UBAP2: variants seen among roughly 807,000 people sequenced by gnomAD.
The protein encoded by UBAP2 is ubiquitin associated protein 2, also known as ubiquitin-associated protein 2.
Under a neutral mutation model 139.6 loss-of-function variants are expected in UBAP2, and 75 were observed. The ratio of observed to expected loss-of-function variants is 0.54; its 90% CI spans 0.45 to 0.65. UBAP2 has a LOEUF of 0.65. Among genes scored for constraint, UBAP2 ranks in the 30% least tolerant of loss-of-function variants. The pLI is 0.00. For synonymous variants in UBAP2, 526 were observed against 526.2 expected, an observed-to-expected ratio of 1.00 and a Z score of 0.01; for missense variants, 1,368 against 1,369.6, an observed-to-expected ratio of 1.00 and a Z score of 0.02.
chr9:33,963,165 G>A (rs1334634786), intron 9 of UBAP2, among the ~76,000 whole-genome samples: 1 of 152,118 alleles, frequency 6.6e-6, no homozygotes, highest in African/African-American at 2.4e-5. Context: ...GAAACAGATA[G>A]TTATAAGCAG....
intron 1 of UBAP2, among the ~76,000 whole-genome samples, chr9:34,040,849 A>G (rs1425874023): frequency 6.6e-6 from 1 of 152,224 alleles, no homozygotes; most frequent in African/African-American, 2.4e-5. Context: ...AGATTTGAGA[A>G]AATAGTAACT....
At chr9:33,978,872 G>C (rs1272595138) in intron 6 of UBAP2, among the ~76,000 whole-genome samples, 1 of 152,110 alleles carries the variant, frequency 6.6e-6, no homozygotes, top group Non-Finnish European at 1.5e-5. Context: ...AGGTTAGGGA[G>C]TAAACTATTG....
intron 1 of UBAP2, among the ~76,000 whole-genome samples, chr9:34,041,890 T>C (rs1189348123): frequency 2.0e-5 from 3 of 151,750 alleles, no homozygotes; most frequent in African/African-American, 4.8e-5. Flanking sequence ...CCAGGCATGG[T>C]GGCGGGCACC....
intron 6 of UBAP2, among the ~76,000 whole-genome samples, chr9:33,974,300 G>C (rs1564039116): frequency 6.6e-6 from 1 of 152,070 alleles, no homozygotes; most frequent in Admixed American, 6.5e-5. Flanking sequence ...TTCAGCTCAG[G>C]AGTTCAAGAC....
intron 17 of UBAP2, among the ~76,000 whole-genome samples, chr9:33,933,861 A>C (rs1475700454): frequency 1.3e-5 from 2 of 152,244 alleles, no homozygotes; most frequent in African/African-American, 4.8e-5. Flanking sequence ...AGCAAAGAAT[A>C]GGAAATGACA....
chr9:33,945,152 A>AC lies in UBAP2; in HGVS notation c.1271-514_1271-513insG, dbSNP rs1242759262. Among the ~76,000 whole-genome samples the AC allele has an allele frequency of 8.3e-4, 124 of 149,740 alleles. 8 individuals are homozygous for AC. The highest frequency in any genetic ancestry group is 1.0e-4 in the Non-Finnish European group (7 of 67,634). ...CTTCATCCAAAAATTAAAAAAAAAAAAACTTATTAAGTTTTTGGACTAATT... is the reference window on the plus strand; with the variant it reads ...CTTCATCCAAAAATTAAAAAAAAAAACAACTTATTAAGTTTTTGGACTAATT... On this transcript the variant is annotated intron_variant, in intron 13 of 28. Transcript: ENST00000379238.
chr9:33,963,844 T>G, intron 8 of UBAP2, 53 bp from the exon 9 acceptor site: 6,910 of 859,884 alleles, frequency 8.0e-3, no homozygotes, highest in Non-Finnish European at 0.012. Context: ...AATGAAAGTA[T>G]TCATCACAGA....
intron 6 of UBAP2, among the ~76,000 whole-genome samples, chr9:33,980,761 G>C (rs961267377): frequency 2.0e-5 from 3 of 151,612 alleles, no homozygotes; most frequent in Admixed American, 6.6e-5. Context: ...TTTGAGACCA[G>C]CCTGGGCAAC....
intron 12 of UBAP2, 142 bp from the exon 13 acceptor site, chr9:33,948,729 A>T (rs1452906207): frequency 4.8e-6 from 3 of 624,016 alleles, no homozygotes; most frequent in Admixed American, 3.0e-5. Flanking sequence ...CTTAGAAAAT[A>T]CTACATGAAA....
At chr9:34,028,752 T>G (rs1825633329) in intron 1 of UBAP2, among the ~76,000 whole-genome samples, 1 of 151,848 alleles carries the variant, frequency 6.6e-6, no homozygotes, top group African/African-American at 2.4e-5. Flanking sequence ...CATGTAATTA[T>G]TCATAACCAG....
chr9:33,971,253 C>A (rs1827895666), intron 8 of UBAP2, among the ~76,000 whole-genome samples: 1 of 152,136 alleles, frequency 6.6e-6, no homozygotes, highest in African/African-American at 2.4e-5. Flanking sequence ...GCTACAAACC[C>A]ATCTATCATC....
intron 1 of UBAP2, among the ~76,000 whole-genome samples, chr9:34,033,060 G>T (rs1029245594): frequency 1.3e-5 from 2 of 152,136 alleles, no homozygotes; most frequent in African/African-American, 4.8e-5. Flanking sequence ...CAATTTGGAG[G>T]TTCTGGAAAA....
chr9:34,038,352 G>A (rs11787798), intron 1 of UBAP2, among the ~76,000 whole-genome samples: 5,481 of 152,252 alleles, frequency 0.036, 154 homozygotes, highest in Middle Eastern at 0.12. Context: ...GGACTGTACT[G>A]CCGCCATCTC....
At chr9:34,008,053 T>C (rs1486142118) in intron 2 of UBAP2, among the ~76,000 whole-genome samples, 2 of 152,084 alleles carry the variant, frequency 1.3e-5, no homozygotes, top group Non-Finnish European at 2.9e-5. Context: ...GAGAATCGCT[T>C]GAACCTGGGA....
intron 4 of UBAP2, among the ~76,000 whole-genome samples, chr9:33,992,002 CCAG>C (rs750676532): frequency 6.6e-6 from 1 of 152,110 alleles, no homozygotes; most frequent in Non-Finnish European, 1.5e-5. Flanking sequence ...ACCTGTAATC[CCAG>C]CACTTTGGGA....
rs775611584 is a variant in UBAP2 at position 33,989,042 on chromosome 9, C to T, written c.373G>A (p.Glu125Lys). The T allele has an allele frequency of 1.5e-5, 25 of 1,613,894 alleles. No homozygotes were observed. Among genetic ancestry groups the T allele is most frequent in the Admixed American group, 1.2e-4 (7 of 59,964 alleles). ...CCACGTCCACGACTCGATTCTTTCT[C>T]GCTTTTCTTCTCTCTATTCTCTTTG... is the stretch of plus-strand genomic sequence containing the variant. ...ENKENREKKS[E>K]KESSRGRGNN... is the part of the protein sequence containing the mutation. The change falls in exon 5 of 29, where the codon GAG (glutamate) becomes AAG (lysine). Residue 125 changes from glutamate to lysine, a missense_variant. Transcript: ENST00000379238.
At chr9:33,953,873 A>C (rs1826311797) in intron 11 of UBAP2, among the ~76,000 whole-genome samples, 1 of 152,126 alleles carries the variant, frequency 6.6e-6, no homozygotes, top group Non-Finnish European at 1.5e-5. Context: ...TAGGGAATGA[A>C]GACCTCACCT....
chr9:34,004,268 G>A (rs1822979805), intron 2 of UBAP2, among the ~76,000 whole-genome samples: 1 of 152,068 alleles, frequency 6.6e-6, no homozygotes, highest in South Asian at 2.1e-4. Flanking sequence ...TCTATATTTG[G>A]TGTAATTTTT....
intron 1 of UBAP2, among the ~76,000 whole-genome samples, chr9:34,038,029 C>G (rs1826600459): frequency 6.8e-6 from 1 of 147,260 alleles, no homozygotes; most frequent in Non-Finnish European, 1.5e-5. Context: ...ATTAGCTAGG[C>G]ACGGTGGCAC....
Sources: allele counts gnomAD v4.1 joint callset (sites outside exome capture counted in the v4.1 genomes callset), GRCh38; gene constraint gnomAD v4.1.1; transcripts MANE v1.5; gene names NCBI Gene and HGNC (gene_info 2026-07-23, HGNC 2026-07-21).